The following FILIP1L variants were observed in gnomAD, a reference collection of about 807,000 sequenced individuals.
The protein encoded by FILIP1L is filamin A interacting protein 1 like, also known as filamin A-interacting protein 1-like.
A neutral mutation model predicts 96.6 loss-of-function variants in FILIP1L; 55 were observed. That is an observed-to-expected ratio of 0.57 (90% CI 0.46 to 0.71). FILIP1L has a LOEUF of 0.71. FILIP1L is among the 30% of genes least tolerant of loss of function. FILIP1L has a pLI of 0.00. For missense variants in FILIP1L, 1,304 were observed against 1,321.2 expected, an observed-to-expected ratio of 0.99 and a Z score of 0.20; for synonymous variants, 467 against 473.9, an observed-to-expected ratio of 0.99 and a Z score of 0.19.
chr3:100,008,022 C>A (rs542746812), intron 1 of FILIP1L, among the ~76,000 whole-genome samples: 2 of 152,142 alleles, frequency 1.3e-5, no homozygotes, highest in African/African-American at 2.4e-5. Flanking sequence ...CACAACCTTG[C>A]CTGGGACCTG....
intron 1 of FILIP1L, among the ~76,000 whole-genome samples, chr3:100,035,659 T>A (rs2065095647): frequency 6.6e-6 from 1 of 152,232 alleles, no homozygotes; most frequent in Non-Finnish European, 1.5e-5. Context: ...AATTGAACCA[T>A]AGAAGAGGCA....
At position 100,008,030 on chromosome 3, in the gene FILIP1L, C is replaced by G. The variant is rs1710038572; in HGVS notation, c.-10-77000G>C. ...TCCCCAGCACAACCTTGCCTGGGAC[C>G]TGTACACAAAGTGTTTCCCTCCTCC... On this transcript the variant is annotated intron_variant, in intron 1 of 5. Transcript: ENST00000477258. Among the ~76,000 whole-genome samples the G allele has an allele frequency of 2.6e-5, 4 of 152,262 alleles. No individual in the cohort carries two copies. In the South Asian group the frequency reaches 8.3e-4, roughly 32 times the overall value.
At chr3:99,863,418 T>G (rs945123625) in intron 4 of FILIP1L, among the ~76,000 whole-genome samples, 1 of 152,110 alleles carries the variant, frequency 6.6e-6, no homozygotes, top group African/African-American at 2.4e-5. Context: ...AAAGTCTGGG[T>G]GGGTTGACTG....
intron 5 of FILIP1L, among the ~76,000 whole-genome samples, chr3:99,842,080 G>C (rs1416660074): frequency 6.6e-6 from 1 of 152,148 alleles, no homozygotes; most frequent in Non-Finnish European, 1.5e-5. Context: ...TATGGAACCA[G>C]CTCAAATGTC....
rs567455823 is a variant in FILIP1L, at chr3:99,933,108, T to C, written c.-10-2078A>G. Among the ~76,000 whole-genome samples, 230 of 152,304 alleles carry C rather than the reference T, an allele frequency of 1.5e-3. 1 individual carries two copies. The highest frequency in any genetic ancestry group is 1.6e-4 in the Non-Finnish European group (11 of 68,026). On this transcript the variant is annotated intron_variant, in intron 1 of 5. Coordinates refer to ENST00000477258, the MANE Select transcript of FILIP1L (RefSeq NM_001387850.1). ...TATTGAAGGTTGCACAGCTAATAAG[T>C]GGCAAAACTGGGATTTGAGTCTAGG... is the stretch of plus-strand genomic sequence containing the variant.
chr3:100,108,058 C>T (rs923893479), intron 1 of FILIP1L, among the ~76,000 whole-genome samples: 12 of 151,930 alleles, frequency 7.9e-5, no homozygotes, highest in Admixed American at 3.9e-4. Flanking sequence ...CATACCTGTC[C>T]GTGGATGTGT....
chr3:99,989,428 G>A (rs528810092), intron 1 of FILIP1L, among the ~76,000 whole-genome samples: 10 of 152,188 alleles, frequency 6.6e-5, no homozygotes, highest in African/African-American at 1.9e-4. Flanking sequence ...CAATTACTGT[G>A]TCCCCCACAT....
intron 4 of FILIP1L, among the ~76,000 whole-genome samples, chr3:99,876,385 G>GTGGGCCGC (rs1417492632): frequency 4.3e-4 from 65 of 152,312 alleles, no homozygotes; most frequent in African/African-American, 1.5e-3. Context: ...GGAATGAGTG[G>GTGGGCCGC]TGGGCCGGTG....
chr3:99,921,107 T>A (rs191978362), intron 4 of FILIP1L, among the ~76,000 whole-genome samples: 1 of 152,184 alleles, frequency 6.6e-6, no homozygotes, highest in Non-Finnish European at 1.5e-5. Context: ...CATTGTTCTT[T>A]GACCCTTCAG....
chr3:100,045,015 C>G (rs573989434), intron 1 of FILIP1L, among the ~76,000 whole-genome samples: 2 of 152,250 alleles, frequency 1.3e-5, no homozygotes, highest in South Asian at 4.1e-4. Context: ...GGACTAGATC[C>G]TAAGCTCAGT....
chr3:99,848,069 G>T, intron 5 of FILIP1L: 1 of 1,310,030 alleles, frequency 7.6e-7, no homozygotes, highest in Admixed American at 3.6e-5. Context: ...TTCCATACAA[G>T]TATGTAAATG....
chr3:100,033,456 T>G (rs548775354), intron 1 of FILIP1L, among the ~76,000 whole-genome samples: 2 of 152,318 alleles, frequency 1.3e-5, no homozygotes, highest in Admixed American at 1.3e-4. Flanking sequence ...GTTATCTTCT[T>G]GAAGGTCTTG....
chr3:100,092,325 G>A (rs1045721438), intron 1 of FILIP1L, among the ~76,000 whole-genome samples: 4 of 152,006 alleles, frequency 2.6e-5, no homozygotes, highest in East Asian at 1.9e-4. Context: ...TAGATTTCCC[G>A]TCATAGCATA....
At chr3:99,884,462 A>G (rs1705829012) in intron 4 of FILIP1L, among the ~76,000 whole-genome samples, 1 of 152,154 alleles carries the variant, frequency 6.6e-6, no homozygotes, top group Non-Finnish European at 1.5e-5. Flanking sequence ...GAACCTCTAT[A>G]AAGAAGTTCC....
intron 1 of FILIP1L, among the ~76,000 whole-genome samples, chr3:99,962,010 A>T (rs1176288332): frequency 2.0e-5 from 3 of 152,124 alleles, no homozygotes; most frequent in African/African-American, 7.2e-5. Context: ...AGCCTTGCTG[A>T]TTGGGGGTTA....
At chr3:99,920,656 C>T (rs1001862729) in intron 4 of FILIP1L, among the ~76,000 whole-genome samples, 1 of 152,176 alleles carries the variant, frequency 6.6e-6, no homozygotes, top group Non-Finnish European at 1.5e-5. Flanking sequence ...TGAGCTGATC[C>T]CTGCCCCCAC....
At chr3:99,890,579 A>G (rs1257540757) in intron 4 of FILIP1L, among the ~76,000 whole-genome samples, 2 of 152,008 alleles carry the variant, frequency 1.3e-5, no homozygotes, top group African/African-American at 4.8e-5. Context: ...ATTCTGTGCA[A>G]TTTCTTTGAA....
intron 1 of FILIP1L, among the ~76,000 whole-genome samples, chr3:100,038,065 C>T (rs1392593387): frequency 2.0e-5 from 3 of 151,322 alleles, no homozygotes; most frequent in Non-Finnish European, 4.4e-5. Flanking sequence ...AGCAATTCTC[C>T]TTGCCTCAGC....
At chr3:100,033,116 T>C (rs2065046970) in intron 1 of FILIP1L, among the ~76,000 whole-genome samples, 1 of 152,110 alleles carries the variant, frequency 6.6e-6, no homozygotes, top group Non-Finnish European at 1.5e-5. Context: ...CTGGATAGCA[T>C]TACTTTATAA....
Sources: gnomAD v4.1 joint callset for allele counts (sites outside exome capture counted in the v4.1 genomes callset) on GRCh38, gnomAD v4.1.1 for gene constraint, MANE v1.5 for transcripts, NCBI Gene and HGNC (gene_info 2026-07-23, HGNC 2026-07-21) for gene names.